NOL4: variants seen among roughly 807,000 people sequenced by gnomAD.
The protein encoded by NOL4 is nucleolar protein 4.
A neutral mutation model predicts 75.9 loss-of-function variants in NOL4; 17 were observed. The ratio of observed to expected loss-of-function variants is 0.22; its 90% CI spans 0.15 to 0.34. NOL4 has a LOEUF of 0.34. Ranked by LOEUF, NOL4 falls within the 10% of genes least tolerant of loss-of-function variation. The probability of loss-of-function intolerance (pLI) is 1.00; values close to 1 mark genes in which losing one functional copy is unlikely to be tolerated. For missense variants in NOL4, 614 were observed against 793.5 expected (o/e 0.77, Z 2.72); for synonymous variants, 292 against 289.9 (o/e 1.01, Z -0.07).
At chr18:34,140,819 G>A (rs1418798743) in intron 1 of NOL4, among the ~76,000 whole-genome samples, 1 of 151,426 alleles carries the variant, frequency 6.6e-6, no homozygotes, top group Non-Finnish European at 1.5e-5. Flanking sequence ...GGCTGATACT[G>A]GTTGTTCCTT....
At chr18:34,007,332 A>G (rs1474064222) in intron 6 of NOL4, among the ~76,000 whole-genome samples, 1 of 152,036 alleles carries the variant, frequency 6.6e-6, no homozygotes. Context: ...ATTAAAAATC[A>G]CAATAACCCA....
Position 33,958,276 on chromosome 18 carries a change from G to A in NOL4, c.1199C>T (p.Thr400Ile), listed in dbSNP as rs201753634. 156 of 1,613,632 alleles carry A rather than the reference G, an allele frequency of 9.7e-5. No individual in the cohort carries two copies. Among genetic ancestry groups the A allele is most frequent in the Non-Finnish European group, 1.2e-4 (144 of 1,179,740 alleles). ...CAGCCGCTCGGCTTCAACGCCGTCT[G>A]TCTCATTAACTTTCTCCGAATCGTC... ...DHDDSEKVNE[T>I]DGVEAERLKA... The change falls in exon 7 of 11, where the codon ACA (threonine) becomes ATA (isoleucine). Residue 400 changes from threonine to isoleucine, a missense_variant. Around this residue, in one of 9 missense-constraint regions of NOL4, gnomAD observed 196 missense variants for 167.9 expected, o/e 1.17. Coordinates refer to ENST00000261592, the MANE Select transcript of NOL4 (RefSeq NM_003787.5).
chr18:33,928,888 C>G (rs2145382559), intron 9 of NOL4, among the ~76,000 whole-genome samples: 1 of 151,656 alleles, frequency 6.6e-6, no homozygotes, highest in South Asian at 2.1e-4. Flanking sequence ...CCAAATCACT[C>G]ATGTTTAGTT....
chr18:34,069,971 AC>A (rs897564024), intron 5 of NOL4, among the ~76,000 whole-genome samples: 5 of 152,198 alleles, frequency 3.3e-5, no homozygotes, highest in African/African-American at 1.2e-4. Context: ...TAGGTAGCCC[AC>A]CTCCAGCTTC....
intron 1 of NOL4, among the ~76,000 whole-genome samples, chr18:34,216,921 A>G (rs184974540): frequency 1.3e-5 from 2 of 152,164 alleles, no homozygotes; most frequent in Admixed American, 1.3e-4. Flanking sequence ...TGACAATCTT[A>G]TATTTTCTTA....
At chr18:33,866,849 T>G (rs2063452387) in intron 10 of NOL4, among the ~76,000 whole-genome samples, 1 of 152,174 alleles carries the variant, frequency 6.6e-6, no homozygotes, top group Non-Finnish European at 1.5e-5. Context: ...GTATTATTTG[T>G]TTATGTATAT....
chr18:34,189,445 A>T (rs771066980), intron 1 of NOL4, among the ~76,000 whole-genome samples: 1 of 152,130 alleles, frequency 6.6e-6, no homozygotes, highest in Non-Finnish European at 1.5e-5. Context: ...TCATGAATAC[A>T]CTCAAAACGT....
chr18:33,997,229 T>A (rs968050931), intron 6 of NOL4, among the ~76,000 whole-genome samples: 1 of 151,892 alleles, frequency 6.6e-6, no homozygotes, highest in Non-Finnish European at 1.5e-5. Flanking sequence ...AGGTTTTTAA[T>A]CCATCTTGGA....
chr18:34,197,046 G>A (rs2035382487), intron 1 of NOL4, among the ~76,000 whole-genome samples: 1 of 151,844 alleles, frequency 6.6e-6, no homozygotes, highest in African/African-American at 2.4e-5. Flanking sequence ...AATTTATGAA[G>A]ATCCATTACT....
At chr18:34,191,062 G>T (rs903924179) in intron 1 of NOL4, among the ~76,000 whole-genome samples, 2 of 152,014 alleles carry the variant, frequency 1.3e-5, no homozygotes, top group African/African-American at 4.8e-5. Context: ...TTGTAGAACA[G>T]AAAGTAGAAA....
intron 5 of NOL4, among the ~76,000 whole-genome samples, chr18:34,073,516 T>C (rs2077610050): frequency 6.6e-6 from 1 of 152,034 alleles, no homozygotes; most frequent in Admixed American, 6.5e-5. Flanking sequence ...AAATGCTTTG[T>C]GAATACTTGT....
chr18:34,087,739 T>C (rs1018984705), intron 5 of NOL4, among the ~76,000 whole-genome samples: 3 of 151,992 alleles, frequency 2.0e-5, no homozygotes, highest in Non-Finnish European at 4.4e-5. Context: ...CTCTGAATGG[T>C]ACATTTGCCT....
chr18:34,180,429 A>T, intron 1 of NOL4, among the ~76,000 whole-genome samples: 1 of 151,582 alleles, frequency 6.6e-6, no homozygotes, highest in East Asian at 1.9e-4. Flanking sequence ...GAAAAATCCA[A>T]CATGCTTCCA....
intron 2 of NOL4, among the ~76,000 whole-genome samples, chr18:34,113,133 C>T (rs2079682605): frequency 6.8e-6 from 1 of 147,796 alleles, no homozygotes; most frequent in African/African-American, 2.5e-5. Context: ...CTAAGCCCAA[C>T]TTTTTTTGTT....
intron 1 of NOL4, among the ~76,000 whole-genome samples, chr18:34,201,286 C>T (rs968124338): frequency 4.6e-5 from 7 of 151,686 alleles, no homozygotes; most frequent in African/African-American, 1.7e-4. Flanking sequence ...TCATAAAAAT[C>T]CCATGAAGTA....
chr18:34,180,657 G>C (rs928794156), intron 1 of NOL4, among the ~76,000 whole-genome samples: 2 of 151,410 alleles, frequency 1.3e-5, no homozygotes, highest in Admixed American at 1.3e-4. Flanking sequence ...GATGAAAAAA[G>C]AGGAAGTATA....
chr18:34,122,840 A>G (rs1444988898), intron 2 of NOL4, among the ~76,000 whole-genome samples: 3 of 152,118 alleles, frequency 2.0e-5, no homozygotes, highest in Admixed American at 2.0e-4. Context: ...TTACACTATC[A>G]GAGTAGCAAG....
chr18:33,940,392 C>T (rs893941290), intron 9 of NOL4, among the ~76,000 whole-genome samples: 2 of 152,018 alleles, frequency 1.3e-5, no homozygotes, highest in African/African-American at 4.8e-5. Context: ...GAGTTCATGT[C>T]CTTTGCAGGG....
At chr18:34,052,256 T>C (rs2076654093) in intron 5 of NOL4, among the ~76,000 whole-genome samples, 1 of 147,018 alleles carries the variant, frequency 6.8e-6, no homozygotes, top group Non-Finnish European at 1.5e-5. Flanking sequence ...AAAAAGCATG[T>C]TATTCTAGCA....
Sources: allele counts gnomAD v4.1 joint callset (sites outside exome capture counted in the v4.1 genomes callset), GRCh38; gene constraint gnomAD v4.1.1; regional missense constraint gnomAD v4.1.1; transcripts MANE v1.5; gene names NCBI Gene and HGNC (gene_info 2026-07-23, HGNC 2026-07-21).